COP1: variants seen among roughly 807,000 people sequenced by gnomAD.
COP1 encodes E3 ubiquitin-protein ligase COP1.
A neutral mutation model predicts 101.3 loss-of-function variants in COP1; 24 were observed. The observed-to-expected ratio is 0.24, with a 90% confidence interval of 0.17 to 0.33. The LOEUF is 0.33. COP1 is among the 10% of genes least tolerant of loss of function. The pLI, the probability that COP1 is intolerant of heterozygous loss-of-function variation, is 1.00. For missense variants in COP1, 663 were observed against 906.2 expected, an observed-to-expected ratio of 0.73 and a Z score of 3.45; for synonymous variants, 347 against 341.9, an observed-to-expected ratio of 1.01 and a Z score of -0.17.
At chr1:176,161,213 C>T (rs548088764) in intron 5 of COP1, among the ~76,000 whole-genome samples, 14 of 152,204 alleles carry the variant, frequency 9.2e-5, no homozygotes, top group African/African-American at 3.4e-4. Context: ...TTTATTTTTG[C>T]CTCTTTAAAA....
rs186560292 is a variant in COP1 at position 175,979,953 on chromosome 1, C to T, written c.2133+6990G>A. Among the ~76,000 whole-genome samples the T allele has an allele frequency of 3.5e-4, 54 of 152,212 alleles. No individual in the cohort carries two copies. In the South Asian group the frequency reaches 3.7e-3, roughly 11 times the overall value. The stretch of plus-strand genomic sequence containing the variant: ...ATTAATTATGCATTATGTACAAACA[C>T]GCTGTGTAATGCTAGGGGTAATTAA... On this transcript the variant is annotated intron_variant, in intron 18 of 19. Transcript: ENST00000367669.
intron 14 of COP1, among the ~76,000 whole-genome samples, chr1:176,034,251 TA>T (rs1669108935): frequency 1.3e-5 from 2 of 152,200 alleles, no homozygotes; most frequent in South Asian, 4.1e-4. Flanking sequence ...AAACACTAAG[TA>T]AAATTGTTGT....
At chr1:176,126,508 G>A (rs981804469) in intron 8 of COP1, among the ~76,000 whole-genome samples, 14 of 152,010 alleles carry the variant, frequency 9.2e-5, no homozygotes, top group Non-Finnish European at 1.5e-4. Flanking sequence ...CCAGGCTGGA[G>A]TGCGGTGGCG....
At chr1:175,963,082 A>G (rs1651577098) in intron 18 of COP1, among the ~76,000 whole-genome samples, 1 of 152,060 alleles carries the variant, frequency 6.6e-6, no homozygotes, top group Non-Finnish European at 1.5e-5. Context: ...CACAGAAAAA[A>G]AAAACCCTGA....
intron 15 of COP1, among the ~76,000 whole-genome samples, chr1:176,009,888 G>GGA (rs1553217438): frequency 2.5e-5 from 3 of 121,346 alleles, no homozygotes; most frequent in East Asian, 5.9e-4. Context: ...GGGGGGGGGG[G>GGA]GTCCGCAATA....
chr1:175,957,317 A>AT (rs1029683692), intron 18 of COP1, among the ~76,000 whole-genome samples: 10 of 151,118 alleles, frequency 6.6e-5, no homozygotes, highest in Admixed American at 2.0e-4. Context: ...CAGGTGTACC[A>AT]TTTTTTACCT....
chr1:176,178,008 G>A (rs1697198949), intron 2 of COP1, among the ~76,000 whole-genome samples: 1 of 152,074 alleles, frequency 6.6e-6, no homozygotes, highest in Non-Finnish European at 1.5e-5. Context: ...CCTGCACAAT[G>A]TTCCAAAAAC....
At chr1:176,117,067 ACACCCTG>A (rs1686317440) in intron 8 of COP1, among the ~76,000 whole-genome samples, 1 of 152,210 alleles carries the variant, frequency 6.6e-6, no homozygotes, top group South Asian at 2.1e-4. Context: ...TATGGTTAAC[ACACCCTG>A]CTATGCCATT....
At chr1:175,994,323 G>C (rs1659519292) in intron 15 of COP1, among the ~76,000 whole-genome samples, 1 of 152,176 alleles carries the variant, frequency 6.6e-6, no homozygotes, top group Non-Finnish European at 1.5e-5. Flanking sequence ...AGGCTAGGAA[G>C]AAACTGCATC....
In COP1 at chr1:175,944,903, T is replaced by G; in HGVS notation, c.*250A>C. ...AGAATTTGTTTCCCTATCACAAAAATTAGATAACACCACCAAGAGCAGCAA... is the reference window on the plus strand; with the variant it reads ...AGAATTTGTTTCCCTATCACAAAAAGTAGATAACACCACCAAGAGCAGCAA... On this transcript the variant is annotated 3_prime_UTR_variant, in exon 20 of 20. Coordinates refer to ENST00000367669, the MANE Select transcript of COP1 (RefSeq NM_022457.7). 1 of 423,908 alleles carries G rather than the reference T, an allele frequency of 2.4e-6. No homozygotes were observed. Among genetic ancestry groups the G allele is most frequent in the Non-Finnish European group, 4.3e-6 (1 of 234,136 alleles). The allele number at this position is 423,908 out of a possible 1,614,324, so 26.3% of individuals were successfully genotyped here.
intron 15 of COP1, among the ~76,000 whole-genome samples, chr1:176,013,191 T>C (rs1244329180): frequency 6.6e-6 from 1 of 152,190 alleles, no homozygotes; most frequent in Admixed American, 6.5e-5. Context: ...TATTAATACT[T>C]TTCTAAATGT....
intron 2 of COP1, among the ~76,000 whole-genome samples, chr1:176,183,059 T>C (rs113475608): frequency 0.017 from 2,590 of 152,304 alleles, 71 homozygotes; most frequent in African/African-American, 0.059. Flanking sequence ...CTGTTATCAT[T>C]TTAATACTTT....
At position 176,152,121 on chromosome 1, in the gene COP1, T is replaced by C. The variant is rs947269767; in HGVS notation, c.763-3047A>G. On this transcript the variant is annotated intron_variant, in intron 5 of 19. Transcript: ENST00000367669. ...GCCTGGGCAACATGGCGACACCCCA[T>C]CTCTACAAAAAATTCAAAAACTAGC... 2.8e-4 allele frequency among the ~76,000 whole-genome samples: 43 copies of C among 152,126 alleles called. 1 individual carries two copies. Among genetic ancestry groups the C allele is most frequent in the Admixed American group, 2.5e-3 (38 of 15,266 alleles).
intron 1 of COP1, among the ~76,000 whole-genome samples, chr1:176,187,378 C>A (rs1698602536): frequency 7.0e-6 from 1 of 142,388 alleles, no homozygotes; most frequent in Admixed American, 7.4e-5. Flanking sequence ...ACTATATACA[C>A]ATATATATAC....
chr1:175,973,707 GA>G lies in COP1; in HGVS notation c.2133+13235del, dbSNP rs373114048. ...TGTGATATACATAATTTCTACAATG[GA>G]AAAAAGTAAGTCTAGATCAATCTAA... On this transcript the variant is annotated intron_variant, in intron 18 of 19. Transcript: ENST00000367669. Among the ~76,000 whole-genome samples the G allele has an allele frequency of 1.7e-3, 256 of 152,200 alleles. 1 individual carries two copies. The highest frequency in any genetic ancestry group is 5.9e-3 in the African/African-American group (245 of 41,534).
chr1:176,182,670 T>C (rs1040327318), intron 2 of COP1, among the ~76,000 whole-genome samples: 2 of 152,178 alleles, frequency 1.3e-5, no homozygotes, highest in Admixed American at 6.5e-5. Flanking sequence ...TGGTTTCCTA[T>C]GGAATGCTAA....
intron 18 of COP1, among the ~76,000 whole-genome samples, chr1:175,949,024 G>A (rs1309518074): frequency 6.6e-6 from 1 of 151,504 alleles, no homozygotes; most frequent in South Asian, 2.1e-4. Flanking sequence ...TTAGCTTGGC[G>A]TGGTGGCGTG....
At chr1:176,052,051 T>C (rs1306413765) in intron 11 of COP1, among the ~76,000 whole-genome samples, 1 of 152,168 alleles carries the variant, frequency 6.6e-6, no homozygotes, top group South Asian at 2.1e-4. Flanking sequence ...TATACAGTAA[T>C]ATCCTAGGCC....
Position 176,065,704 on chromosome 1 carries a change from ATT to A in COP1, c.1277+15446_1277+15447del, listed in dbSNP as rs1203707183. Among the ~76,000 whole-genome samples the A allele has an allele frequency of 8.3e-3, 952 of 114,400 alleles. 10 individuals carry two copies. The highest frequency in any genetic ancestry group is 0.028 in the African/African-American group (885 of 31,056). The allele number at this position is 114,400 out of a possible 152,430, so 75.1% of individuals were successfully genotyped here. The stretch of plus-strand genomic sequence containing the variant: ...TTCCTGTACCAGGAAGGGGATAATG[ATT>A]TTTTTTTTTTTTTTTTTTTCAGACG... On this transcript the variant is annotated intron_variant, in intron 11 of 19. Transcript: ENST00000367669.
Sources: allele counts gnomAD v4.1 joint callset (sites outside exome capture counted in the v4.1 genomes callset), GRCh38; gene constraint gnomAD v4.1.1; transcripts MANE v1.5; gene names NCBI Gene and HGNC (gene_info 2026-07-23, HGNC 2026-07-21).